ZFP91: variants seen among roughly 807,000 people sequenced by gnomAD.
ZFP91 encodes E3 ubiquitin-protein ligase ZFP91.
A neutral mutation model predicts 63.5 loss-of-function variants in ZFP91; 7 were observed. The ratio of observed to expected loss-of-function variants is 0.11; its 90% CI spans 0.06 to 0.21. The LOEUF is 0.21. Among genes scored for constraint, ZFP91 ranks in the 10% least tolerant of loss-of-function variants. ZFP91 has a pLI of 1.00. For missense variants in ZFP91, 628 were observed against 736.6 expected (o/e 0.85, Z 1.71); for synonymous variants, 330 against 272.1 (o/e 1.21, Z -2.10).
In ZFP91 at chr11:58,610,053, A is replaced by G. The variant is rs201675432; in HGVS notation, c.580+14A>G. 8.7e-6 allele frequency: 14 copies of G among 1,612,482 alleles called. No individual in the cohort carries two copies. In the East Asian group the frequency reaches 3.1e-4, roughly 36 times the overall value. On this transcript the variant is annotated intron_variant, in intron 3 of 10. Transcript: ENST00000316059. ...AACTTGATTATGGTACAGTGCAACTAGAATATGGCTGTTTACTAACTAGTT... is the reference window on the plus strand; with the variant it reads ...AACTTGATTATGGTACAGTGCAACTGGAATATGGCTGTTTACTAACTAGTT...
At chr11:58,588,657 C>T (rs1339412103) in intron 2 of ZFP91, among the ~76,000 whole-genome samples, 1 of 152,156 alleles carries the variant, frequency 6.6e-6, no homozygotes, top group Non-Finnish European at 1.5e-5. Context: ...TGTCAACTTG[C>T]AACCTCAATA....
chr11:58,600,242 A>T (rs924286723), intron 2 of ZFP91, among the ~76,000 whole-genome samples: 1 of 151,762 alleles, frequency 6.6e-6, no homozygotes, highest in Non-Finnish European at 1.5e-5. Context: ...TGGGGTTTTG[A>T]TAAGAATTAC....
At chr11:58,596,491 C>A (rs1322139816) in intron 2 of ZFP91, among the ~76,000 whole-genome samples, 2 of 152,172 alleles carry the variant, frequency 1.3e-5, no homozygotes, top group African/African-American at 2.4e-5. Context: ...ATAATTGGAA[C>A]CTTTCTGCCA....
intron 2 of ZFP91, among the ~76,000 whole-genome samples, chr11:58,587,696 A>G (rs1271811727): frequency 6.6e-6 from 1 of 152,080 alleles, no homozygotes; most frequent in Non-Finnish European, 1.5e-5. Context: ...AGAATAGTCT[A>G]CCTACACGTA....
chr11:58,611,599 T>C lies in ZFP91; in HGVS notation c.723-5T>C, dbSNP rs770892700. ...TCTAGTATTGAAATGCATTTGTGTT[T>C]TCAGGGAAACCCCAAAGCCACGGAG... is the stretch of plus-strand genomic sequence containing the variant. On this transcript the variant is annotated splice_polypyrimidine_tract_variant and splice_region_variant and intron_variant, in intron 5 of 10. Coordinates refer to ENST00000316059, the MANE Select transcript of ZFP91 (RefSeq NM_053023.5). The C allele has an allele frequency of 2.9e-5, 46 of 1,610,292 alleles. No homozygotes were observed. The highest frequency in any genetic ancestry group is 3.4e-5 in the Non-Finnish European group (40 of 1,178,342).
intron 2 of ZFP91, among the ~76,000 whole-genome samples, chr11:58,588,315 T>A (rs1055270649): frequency 6.6e-6 from 1 of 152,212 alleles, no homozygotes; most frequent in Non-Finnish European, 1.5e-5. Flanking sequence ...ATAACAGATC[T>A]CAGCATTTAC....
At chr11:58,610,108 A>G in intron 3 of ZFP91, 69 bp downstream of exon 3, 1 of 1,560,208 alleles carries the variant, frequency 6.4e-7, no homozygotes, top group Non-Finnish European at 8.8e-7. Flanking sequence ...AATGTTGAAC[A>G]TTTGTGTTAA....
chr11:58,616,621 C>A, intron 9 of ZFP91, 95 bp from the exon 10 acceptor site: 1 of 928,806 alleles, frequency 1.1e-6, no homozygotes, highest in Non-Finnish European at 1.7e-6. Flanking sequence ...TGCTTTTACT[C>A]TAAATTGCCT....
At chr11:58,608,070 T>C (rs1855597191) in intron 2 of ZFP91, among the ~76,000 whole-genome samples, 1 of 151,834 alleles carries the variant, frequency 6.6e-6, no homozygotes, top group East Asian at 2.0e-4. Context: ...ATGTAAGATA[T>C]ATATATATAC....
rs1397810868 is a variant in ZFP91, at chr11:58,609,843, A to G, written c.384A>G (p.Glu128=). ...KVTTDKDPKE[E]KEEEDDSALP... ...CTTTTTATTTAGATCCCAAGGAAGAAAAAGAGGAAGAAGACGATTCTGCCC... is the reference window on the plus strand; with the variant it reads ...CTTTTTATTTAGATCCCAAGGAAGAGAAAGAGGAAGAAGACGATTCTGCCC... Residue 128 remains glutamate (E), a synonymous_variant, in exon 3 of 11, where the codon GAA becomes GAG. Transcript: ENST00000316059. 3 of 1,614,200 alleles carry G rather than the reference A, an allele frequency of 1.9e-6. No individual in the cohort carries two copies. Among genetic ancestry groups the G allele is most frequent in the Non-Finnish European group, 2.5e-6 (3 of 1,180,004 alleles).
At position 58,617,096 on chromosome 11, in the gene ZFP91, G is replaced by GTGTGTGTGTGTA. The variant is rs1001851263; in HGVS notation, c.1203-97_1203-96insGTGTGTGTATGT. On this transcript the variant is annotated intron_variant, in intron 10 of 10. Coordinates refer to ENST00000316059, the MANE Select transcript of ZFP91 (RefSeq NM_053023.5). This position sits in a 1 kb window ranked among gnomAD's most constrained non-coding sequence, Gnocchi z 4.2. ...TGTGTGTGTGTGTGTGTGTGTGTGT[G>GTGTGTGTGTGTA]TGTATGTATATATATGCTCTAAACT... 3 of 1,012,108 alleles carry GTGTGTGTGTGTA rather than the reference G, an allele frequency of 3.0e-6. No individual in the cohort carries two copies. The highest frequency in any genetic ancestry group is 1.4e-6 in the Non-Finnish European group (1 of 696,676). 62.7% of individuals were successfully genotyped at this position (1,012,108 alleles called of 1,614,324 possible).
intron 9 of ZFP91, among the ~76,000 whole-genome samples, chr11:58,615,268 A>G (rs1565026038): frequency 6.6e-6 from 1 of 152,062 alleles, no homozygotes; most frequent in Non-Finnish European, 1.5e-5. Context: ...TTCTTATACC[A>G]TGTTTCTTCA....
intron 2 of ZFP91, among the ~76,000 whole-genome samples, 158 bp from the exon 3 acceptor site, chr11:58,609,672 C>G (rs186342205): frequency 6.6e-6 from 1 of 152,224 alleles, no homozygotes; most frequent in Admixed American, 6.5e-5. Flanking sequence ...TAAGTTTTAT[C>G]TCATTTTCCT....
Position 58,579,628 on chromosome 11 carries a change from T to TA in ZFP91, c.341+8dup. On this transcript the variant is annotated splice_region_variant and intron_variant, in intron 1 of 10. Coordinates refer to ENST00000316059, the MANE Select transcript of ZFP91 (RefSeq NM_053023.5). ...AAGAAGAGTCCGCGACTCCTGTGAG[T>TA]AACAGTCTTTCAGGCGGTGGGAAAG... The TA allele has an allele frequency of 6.4e-7, 1 of 1,553,888 alleles. No individual in the cohort carries two copies. The highest frequency in any genetic ancestry group is 8.6e-7 in the Non-Finnish European group (1 of 1,156,678).
chr11:58,612,610 CA>C (rs1855684894), intron 7 of ZFP91, 151 bp from the exon 8 acceptor site: 1 of 660,272 alleles, frequency 1.5e-6, no homozygotes, highest in African/African-American at 1.8e-5. Flanking sequence ...ACTTCTAATA[CA>C]AATTCTGTGT....
rs1435914204 is a variant in ZFP91 at position 58,619,717 on chromosome 11, A to G, written c.*2011A>G. 1 of 152,610 alleles carries G rather than the reference A, an allele frequency of 6.6e-6. No homozygotes were observed. The highest frequency in any genetic ancestry group is 1.5e-5 in the Non-Finnish European group (1 of 68,018). The allele number at this position is 152,610 out of a possible 1,614,324, so 9.5% of individuals were successfully genotyped here. Reference sequence around the variant, plus strand: ...AGTGTTGCAGATTTGCCATTTCTCCATAATATGGGGATAGAAAATGGAATA... The same window carrying G: ...AGTGTTGCAGATTTGCCATTTCTCCGTAATATGGGGATAGAAAATGGAATA... On this transcript the variant is annotated 3_prime_UTR_variant, in exon 11 of 11. Transcript: ENST00000316059.
chr11:58,611,285 A>G, intron 5 of ZFP91: 2 of 478,622 alleles, frequency 4.2e-6, no homozygotes, highest in Non-Finnish European at 3.6e-6. Flanking sequence ...ATGAGTCTGC[A>G]TGTTTTATTT....
intron 1 of ZFP91, among the ~76,000 whole-genome samples, chr11:58,582,622 T>C (rs1403647486): frequency 6.6e-6 from 1 of 152,224 alleles, no homozygotes; most frequent in Non-Finnish European, 1.5e-5. Flanking sequence ...GGATAAAGCA[T>C]TGGACTTTAG....
At chr11:58,579,695 G>A (rs1855065223) in intron 1 of ZFP91, 73 bp downstream of exon 1, 2 of 1,360,120 alleles carry the variant, frequency 1.5e-6, no homozygotes, top group Non-Finnish European at 1.9e-6. Context: ...CTCCCGTAGC[G>A]CCTACTCCAC....
Sources: allele counts gnomAD v4.1 joint callset (sites outside exome capture counted in the v4.1 genomes callset), GRCh38; gene constraint gnomAD v4.1.1; non-coding constraint Gnocchi (gnomAD v3.1); transcripts MANE v1.5; gene names NCBI Gene and HGNC (gene_info 2026-07-23, HGNC 2026-07-21).